OTOG: variants seen among roughly 807,000 people sequenced by gnomAD.
OTOG encodes the protein otogelin.
OTOG carries 296 observed loss-of-function variants against 313.8 expected under a neutral mutation model. The observed-to-expected ratio is 0.94, with a 90% CI of 0.86 to 1.04. The LOEUF (loss-of-function observed/expected upper bound fraction) is 1.04. Ranked by LOEUF, OTOG falls within the 50% of genes least tolerant of loss-of-function variation. The pLI is 0.00. For missense variants in OTOG, 3,948 were observed against 3,840.1 expected (o/e 1.03, Z -0.74); for synonymous variants, 1,533 against 1,554.9 (o/e 0.99, Z 0.33).
intron 32 of OTOG, among the ~76,000 whole-genome samples, chr11:17,604,991 G>A (rs1565113557): frequency 6.6e-6 from 1 of 152,254 alleles, no homozygotes. Context: ...ACACATGGAA[G>A]GGGCTGAAGA....
intron 32 of OTOG, among the ~76,000 whole-genome samples, chr11:17,604,794 G>C (rs966023659): frequency 1.1e-4 from 16 of 152,212 alleles, no homozygotes; most frequent in African/African-American, 3.9e-4. Flanking sequence ...CAGGGTTCTC[G>C]TAGGAATTTC....
At chr11:17,561,006 T>A in intron 13 of OTOG, 85 bp from the exon 14 acceptor site, 1 of 1,434,424 alleles carries the variant, frequency 7.0e-7, no homozygotes, top group Admixed American at 2.0e-5. Context: ...ATGGGAAGAC[T>A]GAGGGCTGTG....
At chr11:17,555,486 G>A (rs957609757) in intron 6 of OTOG, among the ~76,000 whole-genome samples, 4 of 152,114 alleles carry the variant, frequency 2.6e-5, no homozygotes, top group East Asian at 1.9e-4. Flanking sequence ...TCAGAAATAC[G>A]GAGATGGCAT....
chr11:17,570,285 A>T lies in OTOG; in HGVS notation c.1850A>T (p.Tyr617Phe). 2 of 1,550,782 alleles carry T rather than the reference A, an allele frequency of 1.3e-6. No homozygotes were observed. The highest frequency in any genetic ancestry group is 1.7e-6 in the Non-Finnish European group (2 of 1,147,026). Reference sequence around the variant, plus strand: ...ACGAACGTGGGCGTGCGGGTGCTCTACGACCGTGAAGGGCTCCGACTGTAC... The same window carrying T: ...ACGAACGTGGGCGTGCGGGTGCTCTTCGACCGTGAAGGGCTCCGACTGTAC... The part of the protein sequence containing the change: ...VRTNVGVRVL[Y>F]DREGLRLYLQ... Residue 617 changes from tyrosine (Y) to phenylalanine (F), a missense_variant, in exon 17 of 56, where the codon TAC (tyrosine) becomes TTC (phenylalanine). Tyr to Phe is a conservative substitution (Grantham distance 22, BLOSUM62 3). Transcript: ENST00000399397.
chr11:17,553,036 T>A, intron 4 of OTOG, 83 bp from the exon 5 acceptor site: 1 of 1,281,144 alleles, frequency 7.8e-7, no homozygotes, highest in Non-Finnish European at 1.1e-6. Flanking sequence ...GGGGTCTGGA[T>A]CCTGTGAAGC....
At position 17,642,195 on chromosome 11, in the gene OTOG, G is replaced by T. The variant is rs2023483; in HGVS notation, c.8364G>T (p.Leu2788=). 4 of 1,549,862 alleles carry T rather than the reference G, an allele frequency of 2.6e-6. No homozygotes were observed. The highest frequency in any genetic ancestry group is 3.5e-6 in the Non-Finnish European group (4 of 1,146,634). ...HCSSTPLGAV[L]VRSPISCPPL... is the part of the protein sequence containing the mutation. The stretch of plus-strand genomic sequence containing the variant: ...GCAGCACGCCCCTGGGTGCCGTGCT[G>T]GTCCGCTCTCCCATAAGCTGCCCAC... The change falls in exon 53 of 56, where the codon CTG becomes CTT. Residue 2788 remains leucine, a synonymous_variant. Transcript: ENST00000399397.
chr11:17,596,985 C>T lies in OTOG; in HGVS notation c.3660C>T (p.Asp1220=). The T allele has an allele frequency of 1.3e-6, 2 of 1,550,000 alleles. No homozygotes were observed. Among genetic ancestry groups the T allele is most frequent in the Non-Finnish European group, 1.7e-6 (2 of 1,146,678 alleles). ...GTTGCCAGCATGGGGTGGCTGTTGA[C>T]TGGCGAACCCCCCGCCTCTGCCGTG... ...HQCCQHGVAV[D]WRTPRLCPYD... The change falls in exon 30 of 56, where the codon GAC becomes GAT. Residue 1220 remains aspartate (D), a synonymous_variant. Transcript: ENST00000399397.
chr11:17,613,259 C>CT (rs375091857), intron 38 of OTOG, among the ~76,000 whole-genome samples: 10 of 130,350 alleles, frequency 7.7e-5, no homozygotes, highest in Admixed American at 1.5e-4. Flanking sequence ...TTCTTTCTTT[C>CT]TTTCTTTCTC....
rs945118234 is a variant in OTOG, at chr11:17,551,860, A to G, written c.217-140A>G. 1.0e-5 allele frequency: 7 copies of G among 694,394 alleles called. No homozygotes were observed. In the African/African-American group the frequency reaches 1.2e-4, roughly 12 times the overall value. 43.0% of individuals were successfully genotyped at this position (694,394 alleles called of 1,614,324 possible). A position where few individuals can be genotyped will look rare whatever the true frequency, so the allele number is the denominator to read the frequency against. On this transcript the variant is annotated intron_variant, in intron 3 of 55. Transcript: ENST00000399397. The stretch of plus-strand genomic sequence containing the variant: ...TGCCTCTCGAGGGGGCCAGGCGAGG[A>G]GGAGTGGCTGGGGCACTGAGGGGCA...
chr11:17,616,700 T>C (rs1853728646), intron 39 of OTOG, among the ~76,000 whole-genome samples: 1 of 152,266 alleles, frequency 6.6e-6, no homozygotes, highest in Non-Finnish European at 1.5e-5. Context: ...CAAATACAGC[T>C]TATTTTTGCA....
At chr11:17,552,192 C>A in intron 4 of OTOG, 117 bp downstream of exon 4, 1 of 1,016,910 alleles carries the variant, frequency 9.8e-7, no homozygotes, top group Non-Finnish European at 1.5e-6. Context: ...CTTTTTCCTG[C>A]TTGGCATCTC....
Position 17,610,496 on chromosome 11 carries a change from G to A in OTOG, c.5196G>A (p.Gln1732=). Residue 1732 remains glutamine, a synonymous_variant, in exon 36 of 56, where the codon CAG becomes CAA. Transcript: ENST00000399397. ...STEKGEAGHS[Q]PMGSPASPQP... is the part of the protein sequence containing the mutation. ...AGAAGGGCGAAGCCGGGCACAGCCAGCCCATGGGCTCGCCTGCCTCCCCAC... is the reference window on the plus strand; with the variant it reads ...AGAAGGGCGAAGCCGGGCACAGCCAACCCATGGGCTCGCCTGCCTCCCCAC... 6.4e-7 allele frequency: 1 copy of A among 1,550,566 alleles called. No individual in the cohort carries two copies. Among genetic ancestry groups the A allele is most frequent in the South Asian group, 1.2e-5 (1 of 84,056 alleles).
At chr11:17,644,564 G>C (rs534033157) in intron 54 of OTOG, among the ~76,000 whole-genome samples, 7 of 152,352 alleles carry the variant, frequency 4.6e-5, no homozygotes, top group Non-Finnish European at 8.8e-5. Context: ...AGAATAACAA[G>C]TATAAAAATA....
In OTOG at chr11:17,583,404, G is replaced by A. The variant is rs75804198; in HGVS notation, c.2760-3070G>A. Among the ~76,000 whole-genome samples, 601 of 152,244 alleles carry A rather than the reference G, an allele frequency of 3.9e-3. 4 individuals carry two copies. Among genetic ancestry groups the A allele is most frequent in the African/African-American group, 0.014 (573 of 41,542 alleles). On this transcript the variant is annotated intron_variant, in intron 23 of 55. Transcript: ENST00000399397. ...CTCCCAAAATGCTAGGATTACAGGT[G>A]GGAGCCACTGCAACTGGCCAGCTTT...
chr11:17,608,406 G>T lies in OTOG; in HGVS notation c.4267G>T (p.Val1423Leu), dbSNP rs1212438297. 6.5e-7 allele frequency: 1 copy of T among 1,535,624 alleles called. No individual in the cohort carries two copies. Among genetic ancestry groups the T allele is most frequent in the Admixed American group, 2.0e-5 (1 of 48,970 alleles). ...CCCACGGGCAGCCAGCTGCCGGGAC[G>T]TACCCAGGTGAGATGCCAGGGGCTG... ...RDPRAASCRDVPRVEGCVPVC... is the reference protein window; with the variant it reads ...RDPRAASCRDLPRVEGCVPVC... Residue 1423 changes from valine (V) to leucine (L), a missense_variant, in exon 34 of 56, where the codon GTA (valine) becomes TTA (leucine). Transcript: ENST00000399397.
Position 17,629,275 on chromosome 11 carries a change from A to C in OTOG, c.6671A>C (p.Glu2224Ala). ...WLHSSGLMIV[E>A]ASKTSKAQGH... Reference sequence around the variant, plus strand: ...CACAGCTCAGGACTCATGATCGTGGAGGCCAGCAAAACCAGCAAGGCCCAG... The same window carrying C: ...CACAGCTCAGGACTCATGATCGTGGCGGCCAGCAAAACCAGCAAGGCCCAG... The change falls in exon 40 of 56, where the codon GAG becomes GCG. Residue 2224 changes from glutamate to alanine, a missense_variant. Physicochemically the swap from Glu to Ala is moderately radical, Grantham distance 107. Coordinates refer to ENST00000399397, the MANE Select transcript of OTOG (RefSeq NM_001292063.2). The C allele has an allele frequency of 6.4e-7, 1 of 1,550,590 alleles. No homozygotes were observed. The highest frequency in any genetic ancestry group is 8.7e-7 in the Non-Finnish European group (1 of 1,146,990).
chr11:17,561,383 G>A (rs996123854), intron 14 of OTOG, among the ~76,000 whole-genome samples: 9 of 152,214 alleles, frequency 5.9e-5, no homozygotes, highest in Non-Finnish European at 1.2e-4. Flanking sequence ...AGACCTTCCC[G>A]AGCTAGGGGT....
At chr11:17,591,078 G>A (rs139335210) in intron 24 of OTOG, among the ~76,000 whole-genome samples, 2 of 152,104 alleles carry the variant, frequency 1.3e-5, no homozygotes, top group Non-Finnish European at 2.9e-5. Context: ...TTTTCTTTTT[G>A]TTTTATTCAC....
At chr11:17,582,787 C>T (rs1292230307) in intron 23 of OTOG, among the ~76,000 whole-genome samples, 1 of 151,976 alleles carries the variant, frequency 6.6e-6, no homozygotes, top group Admixed American at 6.5e-5. Context: ...TGGTCTTTTG[C>T]CCATTTTTAA....
Sources: allele counts gnomAD v4.1 joint callset (sites outside exome capture counted in the v4.1 genomes callset), GRCh38; gene constraint gnomAD v4.1.1; transcripts MANE v1.5; gene names NCBI Gene and HGNC (gene_info 2026-07-23, HGNC 2026-07-21).